CHLSN: variants seen among roughly 807,000 people sequenced by gnomAD.
The protein encoded by CHLSN is cholesin.
the CHLSN span, among the ~76,000 whole-genome samples, chr7:1,067,114 G>A: frequency 9.8e-4 from 146 of 148,814 alleles, no homozygotes; most frequent in Admixed American, 2.1e-3. Context: ...GCGGAGGCAG[G>A]AGTACACCCC....
chr7:1,092,172 C>A, the CHLSN span: 1 of 1,613,458 alleles, frequency 6.2e-7, no homozygotes, highest in Non-Finnish European at 8.5e-7. Flanking sequence ...TCTTCTTCCT[C>A]ACCTGGATGA....
the CHLSN span, among the ~76,000 whole-genome samples, chr7:1,105,750 G>C: frequency 3.3e-5 from 5 of 152,202 alleles, no homozygotes; most frequent in African/African-American, 1.2e-4. Context: ...GAGTAGCTGA[G>C]ATTACAGGCA....
chr7:1,070,605 CACATGCAT>C, the CHLSN span, among the ~76,000 whole-genome samples: 3 of 148,226 alleles, frequency 2.0e-5, no homozygotes, highest in African/African-American at 7.5e-5. Context: ...CACACATGCA[CACATGCAT>C]GCACACACGC....
At chr7:1,122,741 C>T in the CHLSN span, among the ~76,000 whole-genome samples, 1 of 152,184 alleles carries the variant, frequency 6.6e-6, no homozygotes, top group Non-Finnish European at 1.5e-5. Context: ...GAAAACAGAA[C>T]TCCTAAACCC....
the CHLSN span, chr7:1,056,786 C>T: frequency 2.9e-5 from 4 of 136,508 alleles, no homozygotes; most frequent in South Asian, 2.3e-4. Flanking sequence ...GGAGGTCAGC[C>T]GGGGCCAAAT....
At chr7:991,703 T>C in the CHLSN span, among the ~76,000 whole-genome samples, 5,660 of 152,322 alleles carry the variant, frequency 0.037, 182 homozygotes, top group Middle Eastern at 0.14. Flanking sequence ...TTTTTAAAAA[T>C]GGTGATAAAA....
At chr7:990,643 T>C in the CHLSN span, among the ~76,000 whole-genome samples, 1 of 152,114 alleles carries the variant, frequency 6.6e-6, no homozygotes, top group African/African-American at 2.4e-5. Context: ...CGGAGGCTGC[T>C]GCAAGGACGA....
the CHLSN span, among the ~76,000 whole-genome samples, chr7:1,115,422 C>T: frequency 6.6e-6 from 1 of 152,260 alleles, no homozygotes. Flanking sequence ...TCAGGAGGCG[C>T]TCCCCATCAC....
At chr7:1,077,447 A>G in the CHLSN span, among the ~76,000 whole-genome samples, 1 of 152,046 alleles carries the variant, frequency 6.6e-6, no homozygotes, top group African/African-American at 2.4e-5. Context: ...GAGCCACTGC[A>G]CCTGGCCTCA....
chr7:1,050,497 A>G, the CHLSN span, among the ~76,000 whole-genome samples: 7 of 152,190 alleles, frequency 4.6e-5, no homozygotes, highest in Non-Finnish European at 8.8e-5. Context: ...TCGTTTCTCA[A>G]GCTGCCCCAG....
chr7:1,022,515 C>CA, the CHLSN span, among the ~76,000 whole-genome samples: 1 of 152,204 alleles, frequency 6.6e-6, no homozygotes, highest in African/African-American at 2.4e-5. Context: ...AACGCAATCG[C>CA]AGGTGACGGC....
the CHLSN span, among the ~76,000 whole-genome samples, chr7:1,083,528 T>C: frequency 4.6e-5 from 7 of 151,288 alleles, no homozygotes; most frequent in African/African-American, 1.7e-4. Flanking sequence ...CTCGGGAGGC[T>C]GAGGCAGGAG....
chr7:1,054,687 C>A, the CHLSN span, among the ~76,000 whole-genome samples: 2 of 152,322 alleles, frequency 1.3e-5, no homozygotes. Flanking sequence ...AGGGGTGCGG[C>A]GGGCAAGAGG....
chr7:1,044,991 C>T, the CHLSN span, among the ~76,000 whole-genome samples: 1 of 152,274 alleles, frequency 6.6e-6, no homozygotes, highest in Admixed American at 6.5e-5. Context: ...TCTCCTGGGC[C>T]ACTATGGTGA....
At chr7:1,023,185 G>A in the CHLSN span, among the ~76,000 whole-genome samples, 68 of 152,340 alleles carry the variant, frequency 4.5e-4, no homozygotes, top group African/African-American at 1.6e-3. The surrounding 1 kb of genome is among the most constrained non-coding windows in gnomAD (Gnocchi z 5.0). Flanking sequence ...AGACACAGAC[G>A]AGCAGATGTG....
the CHLSN span, among the ~76,000 whole-genome samples, chr7:1,074,267 A>C: frequency 3.5e-5 from 2 of 57,226 alleles, no homozygotes; most frequent in South Asian, 7.8e-4. Context: ...CTGCCGTGAC[A>C]CCCCCCGGCC....
chr7:987,621 G>A, the CHLSN span: 1 of 1,287,118 alleles, frequency 7.8e-7, no homozygotes, highest in Non-Finnish European at 1.0e-6. Context: ...AGCGTCTGGT[G>A]GGTGCCTGAT....
chr7:986,412 T>C, the CHLSN span: 1 of 605,828 alleles, frequency 1.7e-6, no homozygotes, highest in Non-Finnish European at 2.9e-6. Context: ...CAAACCTGCC[T>C]GGCTGTCCCC....
chr7:1,125,110 C>T, the CHLSN span, among the ~76,000 whole-genome samples: 5 of 152,220 alleles, frequency 3.3e-5, no homozygotes, highest in East Asian at 1.9e-4. Context: ...ACGTGGTGGA[C>T]GTGATTTCAC....
Sources: gnomAD v4.1 joint callset for allele counts (sites outside exome capture counted in the v4.1 genomes callset) on GRCh38, gnomAD v4.1.1 for gene constraint, Gnocchi (gnomAD v3.1) non-coding constraint, MANE v1.5 for transcripts, NCBI Gene and HGNC (gene_info 2026-07-23, HGNC 2026-07-21) for gene names.